Variants in XPA observed in about 807,000 individuals in gnomAD.
XPA encodes the protein XPA, DNA damage recognition and repair factor, also known as DNA repair protein complementing XP-A cells.
In XPA, 27 loss-of-function variants were observed where a neutral mutation model predicts 35.7. That is an observed-to-expected ratio of 0.76 (90% confidence interval 0.56 to 1.04). The LOEUF is 1.04. XPA is among the 50% of genes least tolerant of loss of function. XPA has a pLI of 0.00. For missense variants in XPA, 354 were observed against 342.7 expected, an observed-to-expected ratio of 1.03 and a Z score of -0.26; for synonymous variants, 133 against 118.4, an observed-to-expected ratio of 1.12 and a Z score of -0.80.
intron 2 of XPA, among the ~76,000 whole-genome samples, chr9:97,692,520 G>C (rs1828924977): frequency 6.6e-6 from 1 of 152,168 alleles, no homozygotes; most frequent in Non-Finnish European, 1.5e-5. Flanking sequence ...GATAGTCAAA[G>C]TGGTATCTTT....
chr9:97,684,315 G>A (rs887162014), intron 5 of XPA, among the ~76,000 whole-genome samples: 2 of 152,138 alleles, frequency 1.3e-5, no homozygotes, highest in African/African-American at 4.8e-5. Context: ...GGATAACAGG[G>A]ACAAATTAAT....
downstream of XPA, chr9:97,671,211 TC>T (rs957925178): frequency 1.6e-5 from 25 of 1,548,686 alleles, no homozygotes; most frequent in Non-Finnish European, 2.1e-5. Flanking sequence ...GGTCATTTTT[TC>T]CTCATGTCAA....
intron 3 of XPA, among the ~76,000 whole-genome samples, chr9:97,687,607 T>G (rs1408092863): frequency 6.6e-6 from 1 of 152,056 alleles, no homozygotes; most frequent in Non-Finnish European, 1.5e-5. Flanking sequence ...TGGTGGGAGA[T>G]ACAGTCAGAG....
the XPA span, among the ~76,000 whole-genome samples, chr9:97,659,436 CCT>C: frequency 6.6e-6 from 1 of 152,280 alleles, no homozygotes; most frequent in South Asian, 2.1e-4. Context: ...TGTTTCTCCA[CCT>C]CTGTCTCTGA....
At chr9:97,663,592 C>G in the XPA span, among the ~76,000 whole-genome samples, 7 of 151,930 alleles carry the variant, frequency 4.6e-5, no homozygotes, top group African/African-American at 1.7e-4. Flanking sequence ...TCAAGTGATT[C>G]CCCTGCCTCA....
intron 5 of XPA, among the ~76,000 whole-genome samples, chr9:97,681,625 C>T (rs1828543000): frequency 6.6e-6 from 1 of 152,180 alleles, no homozygotes; most frequent in Non-Finnish European, 1.5e-5. Context: ...AATGCCTTAT[C>T]TCTACCTTAT....
intron 4 of XPA, among the ~76,000 whole-genome samples, chr9:97,685,615 T>C (rs1340026746): frequency 2.0e-5 from 3 of 152,202 alleles, no homozygotes; most frequent in Non-Finnish European, 4.4e-5. Context: ...ACTTAGATTT[T>C]AAGAGAATTT....
At chr9:97,685,277 A>G (rs1161155739) in intron 4 of XPA, among the ~76,000 whole-genome samples, 2 of 152,232 alleles carry the variant, frequency 1.3e-5, no homozygotes, top group African/African-American at 4.8e-5. Flanking sequence ...ATAAATAGAA[A>G]AGTTGTCCTC....
chr9:97,675,628 T>C, intron 5 of XPA, 41 bp from the exon 6 acceptor site: 2 of 1,613,424 alleles, frequency 1.2e-6, no homozygotes, highest in South Asian at 2.2e-5. Context: ...AGTGGTGCTA[T>C]TCAGGTGAAT....
chr9:97,657,495 G>A, the XPA span, among the ~76,000 whole-genome samples: 1 of 152,134 alleles, frequency 6.6e-6, no homozygotes, highest in Non-Finnish European at 1.5e-5. Context: ...CACCACTGGT[G>A]ATGTTAATCC....
At chr9:97,666,897 G>C in the XPA span, 1 of 1,486,274 alleles carries the variant, frequency 6.7e-7, no homozygotes, top group East Asian at 2.3e-5. Flanking sequence ...GTGTAAACTT[G>C]TAAGTAGTTA....
At chr9:97,692,044 G>A (rs1290990939) in intron 2 of XPA, among the ~76,000 whole-genome samples, 1 of 152,020 alleles carries the variant, frequency 6.6e-6, no homozygotes, top group Non-Finnish European at 1.5e-5. Context: ...TGTAATCCCA[G>A]CACTTTGGGA....
At position 97,693,646 on chromosome 9, in the gene XPA, T is replaced by C; in HGVS notation, c.283+3A>G. On this transcript the variant is annotated splice_donor_region_variant and intron_variant, in intron 2 of 5. Coordinates refer to ENST00000375128, the MANE Select transcript of XPA (RefSeq NM_000380.4). ...ATACTTATTTTTGAAAAACTCACTT[T>C]ACCTGGTTGATGAACAACTTTTCCA... 6.2e-7 allele frequency: 1 copy of C among 1,613,180 alleles called. No individual in the cohort carries two copies. The highest frequency in any genetic ancestry group is 8.5e-7 in the Non-Finnish European group (1 of 1,179,678).
downstream of XPA, chr9:97,670,984 T>C (rs1289075110): frequency 4.5e-6 from 3 of 665,746 alleles, no homozygotes; most frequent in Non-Finnish European, 7.6e-6. Context: ...CCCTTCCTCT[T>C]TTCATCATTC....
the XPA span, chr9:97,669,513 G>T: frequency 1.1e-6 from 1 of 901,992 alleles, no homozygotes; most frequent in South Asian, 1.4e-5. Context: ...GCAATACTTT[G>T]GGGTTTCTTT....
At chr9:97,688,266 A>G (rs1296474357) in intron 3 of XPA, among the ~76,000 whole-genome samples, 1 of 152,150 alleles carries the variant, frequency 6.6e-6, no homozygotes, top group East Asian at 1.9e-4. Context: ...GGCCACCTGC[A>G]TTCCTGAACA....
the XPA span, among the ~76,000 whole-genome samples, chr9:97,659,187 A>G: frequency 6.6e-6 from 1 of 152,260 alleles, no homozygotes; most frequent in Non-Finnish European, 1.5e-5. Flanking sequence ...AAATTGCACC[A>G]TAAATCAGGG....
chr9:97,682,258 G>A (rs1275885234), intron 5 of XPA: 3 of 517,734 alleles, frequency 5.8e-6, no homozygotes, highest in African/African-American at 1.9e-5. Flanking sequence ...AGAAGACCAA[G>A]AGGAACCAGG....
At chr9:97,677,368 A>AG (rs1220715740) in intron 5 of XPA, among the ~76,000 whole-genome samples, 1 of 152,124 alleles carries the variant, frequency 6.6e-6, no homozygotes, top group African/African-American at 2.4e-5. Context: ...AGACATTCCT[A>AG]GAAAAACTTG....
Sources: gnomAD v4.1 joint callset for allele counts (sites outside exome capture counted in the v4.1 genomes callset) on GRCh38, gnomAD v4.1.1 for gene constraint, MANE v1.5 for transcripts, NCBI Gene and HGNC (gene_info 2026-07-23, HGNC 2026-07-21) for gene names.